MICU1: variants seen among roughly 807,000 people sequenced by gnomAD.
MICU1 encodes the protein mitochondrial calcium uptake 1.
MICU1 carries 45 observed loss-of-function variants against 56.8 expected under a neutral mutation model. The ratio of observed to expected loss-of-function variants is 0.79; its 90% CI spans 0.62 to 1.02. The LOEUF (loss-of-function observed/expected upper bound fraction) is 1.02. Among genes scored for constraint, MICU1 ranks in the 50% least tolerant of loss-of-function variants. The probability of loss-of-function intolerance (pLI) is 0.00; values close to 1 mark genes in which losing one functional copy is unlikely to be tolerated. For synonymous variants in MICU1, 186 were observed against 195.1 expected (o/e 0.95, Z 0.39); for missense variants, 504 against 587.1 (o/e 0.86, Z 1.46).
At chr10:72,396,282 T>A (rs1030167386) in intron 10 of MICU1, among the ~76,000 whole-genome samples, 3 of 152,054 alleles carry the variant, frequency 2.0e-5, no homozygotes, top group African/African-American at 7.2e-5. Context: ...CAGCTGTAGG[T>A]CACCAACATC....
At chr10:72,464,758 A>G (rs1589247432) in intron 8 of MICU1, among the ~76,000 whole-genome samples, 3 of 152,364 alleles carry the variant, frequency 2.0e-5, no homozygotes, top group Admixed American at 2.0e-4. Context: ...CAGAGAACCT[A>G]TAAGCCAGAA....
At chr10:72,580,084 T>C (rs937189602) in intron 1 of MICU1, among the ~76,000 whole-genome samples, 4 of 152,216 alleles carry the variant, frequency 2.6e-5, no homozygotes, top group African/African-American at 9.6e-5. Context: ...TAAGAGAATT[T>C]TATAATCTTT....
chr10:72,531,600 C>T (rs1839484707), intron 5 of MICU1: 1 of 152,034 alleles, frequency 6.6e-6, no homozygotes, highest in South Asian at 2.1e-4. Context: ...TGCCTGTAAT[C>T]CCAGCTACTT....
At chr10:72,488,429 T>C (rs1375787532) in intron 6 of MICU1, among the ~76,000 whole-genome samples, 1 of 152,138 alleles carries the variant, frequency 6.6e-6, no homozygotes, top group Non-Finnish European at 1.5e-5. Flanking sequence ...CACGTCAGTA[T>C]GGTCATTACT....
At chr10:72,570,945 G>A (rs150988784) in intron 1 of MICU1, among the ~76,000 whole-genome samples, 1,644 of 151,490 alleles carry the variant, frequency 0.011, 25 homozygotes, top group South Asian at 0.029. Flanking sequence ...ACTGCTCTTC[G>A]CTACAGCAAA....
At chr10:72,547,017 G>A (rs1440641618) in intron 4 of MICU1, among the ~76,000 whole-genome samples, 5 of 151,552 alleles carry the variant, frequency 3.3e-5, no homozygotes, top group Non-Finnish European at 2.9e-5. Flanking sequence ...TCAGCCTCCC[G>A]AGTAGCTGGG....
intron 5 of MICU1, among the ~76,000 whole-genome samples, chr10:72,516,825 T>C (rs1867660501): frequency 6.6e-6 from 1 of 152,200 alleles, no homozygotes; most frequent in Non-Finnish European, 1.5e-5. Context: ...TTTCTAATTC[T>C]TTAGTAAAAA....
At chr10:72,558,833 C>T (rs775056412) in intron 3 of MICU1, among the ~76,000 whole-genome samples, 1 of 152,158 alleles carries the variant, frequency 6.6e-6, no homozygotes, top group African/African-American at 2.4e-5. Flanking sequence ...TGAGACTAGC[C>T]TGGGCAAAAC....
intron 5 of MICU1, among the ~76,000 whole-genome samples, chr10:72,510,095 T>C (rs1867394280): frequency 6.6e-6 from 1 of 151,962 alleles, no homozygotes; most frequent in South Asian, 2.1e-4. Flanking sequence ...AATAACATAG[T>C]GGAAGCCACA....
At chr10:72,542,595 G>A (rs1839800706) in intron 4 of MICU1, among the ~76,000 whole-genome samples, 1 of 152,202 alleles carries the variant, frequency 6.6e-6, no homozygotes, top group Non-Finnish European at 1.5e-5. Flanking sequence ...ATCTGGATGG[G>A]GGTGCCTGCA....
At chr10:72,451,024 C>CTT (rs34430004) in intron 8 of MICU1, among the ~76,000 whole-genome samples, 49,641 of 114,828 alleles carry the variant, frequency 0.43, 13,411 homozygotes, top group Non-Finnish European at 0.61. Flanking sequence ...TCCCTTAAAT[C>CTT]TTTTTTTTTT....
At chr10:72,386,617 T>C (rs1381516577) in intron 10 of MICU1, among the ~76,000 whole-genome samples, 1 of 149,078 alleles carries the variant, frequency 6.7e-6, no homozygotes, top group African/African-American at 2.5e-5. Flanking sequence ...TGGAGTGCAG[T>C]AGCATGATCA....
chr10:72,470,401 A>C (rs1488665266), intron 8 of MICU1, among the ~76,000 whole-genome samples: 1 of 152,306 alleles, frequency 6.6e-6, no homozygotes, highest in South Asian at 2.1e-4. Context: ...AGATTGGATA[A>C]TTGATAAAGA....
intron 4 of MICU1, among the ~76,000 whole-genome samples, chr10:72,550,550 T>C (rs1004190868): frequency 6.6e-6 from 1 of 152,246 alleles, no homozygotes; most frequent in Non-Finnish European, 1.5e-5. Flanking sequence ...TATCAACCTA[T>C]TGCTCTTGGG....
At chr10:72,607,637 CAAA>C (rs368820136) in intron 1 of MICU1, among the ~76,000 whole-genome samples, 6 of 59,906 alleles carry the variant, frequency 1.0e-4, no homozygotes, top group Admixed American at 2.0e-4. Flanking sequence ...AACTCCATCT[CAAA>C]AAAAAAAAAA....
At chr10:72,588,972 G>T (rs988365855) in intron 1 of MICU1, among the ~76,000 whole-genome samples, 1 of 152,288 alleles carries the variant, frequency 6.6e-6, no homozygotes, top group African/African-American at 2.4e-5. Context: ...TAGCCTTCAT[G>T]TATAAAAACA....
intron 5 of MICU1, among the ~76,000 whole-genome samples, chr10:72,523,220 T>C (rs1214774707): frequency 6.6e-6 from 1 of 152,172 alleles, no homozygotes; most frequent in African/African-American, 2.4e-5. Flanking sequence ...TTAGCTACCC[T>C]CTACAAACTG....
At chr10:72,512,666 C>A (rs1448837518) in intron 5 of MICU1, among the ~76,000 whole-genome samples, 2 of 143,920 alleles carry the variant, frequency 1.4e-5, no homozygotes, top group African/African-American at 5.2e-5. Flanking sequence ...GGTCATATGG[C>A]AGCTCTATGT....
rs969714065 is a variant in MICU1, at chr10:72,551,882, C to T, written c.331-541G>A. Among the ~76,000 whole-genome samples, 11 of 152,216 alleles carry T rather than the reference C, an allele frequency of 7.2e-5. 1 individual carries two copies. The South Asian group carries it at 2.3e-3, about 32-fold the overall frequency. The stretch of plus-strand genomic sequence containing the variant: ...AACTCCTGGGCTCAAATGATCCTTC[C>T]GCCATGGCCTCCAAAAGTGCTGGGA... On this transcript the variant is annotated intron_variant, in intron 3 of 11. Coordinates refer to ENST00000361114, the MANE Select transcript of MICU1 (RefSeq NM_001195518.2).
Sources: gnomAD v4.1 joint callset for allele counts (sites outside exome capture counted in the v4.1 genomes callset) on GRCh38, gnomAD v4.1.1 for gene constraint, MANE v1.5 for transcripts, NCBI Gene and HGNC (gene_info 2026-07-23, HGNC 2026-07-21) for gene names.